Variants in DAPP1 observed in about 807,000 individuals in gnomAD.
DAPP1 encodes dual adaptor of phosphotyrosine and 3-phosphoinositides 1, also known as dual adapter for phosphotyrosine and 3-phosphotyrosine and 3-phosphoinositide.
A neutral mutation model predicts 41.5 loss-of-function variants in DAPP1; 20 were observed. That is an observed-to-expected ratio of 0.48 (90% CI 0.34 to 0.70). The LOEUF (loss-of-function observed/expected upper bound fraction) is 0.70. DAPP1 is among the 30% of genes least tolerant of loss of function. DAPP1 has a pLI of 0.01. For missense variants in DAPP1, 233 were observed against 333.4 expected (o/e 0.70, Z 2.35); for synonymous variants, 113 against 116.2 (o/e 0.97, Z 0.18).
intron 1 of DAPP1, among the ~76,000 whole-genome samples, chr4:99,822,405 A>T (rs1313097572): frequency 6.6e-6 from 1 of 152,128 alleles, no homozygotes; most frequent in Non-Finnish European, 1.5e-5. Context: ...GTGTGGGCTG[A>T]GGGCTGTGAC....
At chr4:99,829,117 T>C (rs1229149150) in intron 1 of DAPP1, among the ~76,000 whole-genome samples, 24 of 152,196 alleles carry the variant, frequency 1.6e-4, no homozygotes, top group Non-Finnish European at 4.4e-5. Context: ...CTAGTTTTTT[T>C]TCTGTAAAAG....
At chr4:99,822,071 G>A (rs900096173) in intron 1 of DAPP1, among the ~76,000 whole-genome samples, 1 of 152,160 alleles carries the variant, frequency 6.6e-6, no homozygotes, top group African/African-American at 2.4e-5. Context: ...ACGGAAGGTG[G>A]TTCTTCTGTG....
At position 99,840,553 on chromosome 4, in the gene DAPP1, A is replaced by G. The variant is rs78757576; in HGVS notation, c.358+131A>G. 2,899 of 1,111,672 alleles carry G rather than the reference A, an allele frequency of 2.6e-3. 58 individuals are homozygous for G. In the African/African-American group the frequency reaches 0.037, roughly 14 times the overall value. The allele number at this position is 1,111,672 out of a possible 1,614,324, so 68.9% of individuals were successfully genotyped here. ...CATTATCTTGAAGAGAAAACAATGT[A>G]TTTTGTATAAAGTAGATATTTTCTC... On this transcript the variant is annotated intron_variant, in intron 3 of 8. Transcript: ENST00000512369.
intron 1 of DAPP1, among the ~76,000 whole-genome samples, chr4:99,831,028 C>T (rs1723103484): frequency 6.6e-6 from 1 of 152,114 alleles, no homozygotes; most frequent in African/African-American, 2.4e-5. Flanking sequence ...CTAAAGTCTC[C>T]TTTGAACAAA....
intron 7 of DAPP1, 194 bp from the exon 8 acceptor site, chr4:99,865,840 C>CT (rs1281619020): frequency 6.8e-6 from 1 of 147,220 alleles, no homozygotes; most frequent in Non-Finnish European, 1.5e-5. Context: ...CTTCAAGGTA[C>CT]TTACCTGCAT....
At chr4:99,821,622 T>C (rs2851038) in intron 1 of DAPP1, among the ~76,000 whole-genome samples, 152,269 of 152,366 alleles carry the variant, frequency 1, 76,088 homozygotes, top group Non-Finnish European at 1. Flanking sequence ...ATCACATGCT[T>C]AAGTTTCCAT....
chr4:99,824,362 T>C (rs978270609), intron 1 of DAPP1, among the ~76,000 whole-genome samples: 13 of 152,218 alleles, frequency 8.5e-5, no homozygotes, highest in African/African-American at 2.9e-4. Flanking sequence ...CAGTGAGCTT[T>C]CCACTGAACC....
intron 3 of DAPP1, among the ~76,000 whole-genome samples, chr4:99,851,298 C>T (rs1723849040): frequency 6.6e-6 from 1 of 152,106 alleles, no homozygotes; most frequent in Admixed American, 6.5e-5. Context: ...ATGGCAAAAT[C>T]TGTTTTTCAT....
intron 4 of DAPP1, among the ~76,000 whole-genome samples, chr4:99,859,525 A>G (rs528989781): frequency 2.8e-4 from 43 of 152,300 alleles, no homozygotes; most frequent in African/African-American, 1.0e-3. Context: ...TGAGTTCACA[A>G]CAATGCTTCC....
At chr4:99,827,014 C>T (rs1321517483) in intron 1 of DAPP1, among the ~76,000 whole-genome samples, 2 of 152,252 alleles carry the variant, frequency 1.3e-5, no homozygotes, top group South Asian at 2.1e-4. Context: ...TCTTCAAATG[C>T]CAAATTCTGT....
chr4:99,869,229 G>T lies in DAPP1; in HGVS notation c.*1044G>T, dbSNP rs1032152507. On this transcript the variant is annotated 3_prime_UTR_variant, in exon 9 of 9. Transcript: ENST00000512369. ...CGGGGGAGTAACACTAAAGCTACAA[G>T]AAATATGTAATAATGATAGGTAATA... is the stretch of plus-strand genomic sequence containing the variant. 48 of 152,258 alleles carry T rather than the reference G, an allele frequency of 3.2e-4. 1 individual carries two copies. The highest frequency in any genetic ancestry group is 8.9e-4 in the African/African-American group (37 of 41,554). 9.4% of individuals were successfully genotyped at this position (152,258 alleles called of 1,614,324 possible).
chr4:99,853,127 G>C, intron 3 of DAPP1, 91 bp from the exon 4 acceptor site: 1 of 1,468,084 alleles, frequency 6.8e-7, no homozygotes, highest in East Asian at 2.3e-5. Context: ...AAAAACAAAA[G>C]ACTTTCCAAT....
chr4:99,868,076 ATCAC>A (rs753147182), intron 8 of DAPP1, 37 bp from the exon 9 acceptor site: 6 of 1,546,664 alleles, frequency 3.9e-6, no homozygotes, highest in Middle Eastern at 1.7e-4. Flanking sequence ...GTTCATTACA[ATCAC>A]TCAATAATGG....
At position 99,867,915 on chromosome 4, in the gene DAPP1, A is replaced by G. The variant is rs535003854; in HGVS notation, c.775-202A>G. 2.0e-5 allele frequency among the ~76,000 whole-genome samples: 3 copies of G among 152,352 alleles called. No homozygotes were observed. In the East Asian group the frequency reaches 5.8e-4, roughly 29 times the overall value. ...TTGTACATGTTTTAGCAATCACTTT[A>G]CAATATGTGTCCTAAAAAAAAATAC... On this transcript the variant is annotated intron_variant, in intron 8 of 8. Coordinates refer to ENST00000512369, the MANE Select transcript of DAPP1 (RefSeq NM_014395.3).
At chr4:99,840,898 A>G (rs189442598) in intron 3 of DAPP1, among the ~76,000 whole-genome samples, 1 of 152,210 alleles carries the variant, frequency 6.6e-6, no homozygotes, top group African/African-American at 2.4e-5. Context: ...TTTAAGCTAG[A>G]CTTAACTATG....
intron 1 of DAPP1, among the ~76,000 whole-genome samples, chr4:99,830,597 C>A (rs1205706464): frequency 6.6e-6 from 1 of 152,176 alleles, no homozygotes; most frequent in African/African-American, 2.4e-5. Flanking sequence ...TCATCACTCA[C>A]TTTGAATTCT....
chr4:99,820,901 C>A (rs1359244204), intron 1 of DAPP1, among the ~76,000 whole-genome samples: 1 of 152,124 alleles, frequency 6.6e-6, no homozygotes, highest in Non-Finnish European at 1.5e-5. Flanking sequence ...AATGTACAGC[C>A]ATTCTTGGCT....
intron 3 of DAPP1, among the ~76,000 whole-genome samples, chr4:99,848,268 C>T (rs1453810194): frequency 4.3e-5 from 6 of 140,062 alleles, no homozygotes; most frequent in Admixed American, 4.3e-4. Flanking sequence ...CACTCTGTTG[C>T]CCAGGCTGGA....
At chr4:99,846,962 TCTA>T (rs1372355055) in intron 3 of DAPP1, among the ~76,000 whole-genome samples, 13 of 152,260 alleles carry the variant, frequency 8.5e-5, no homozygotes, top group African/African-American at 3.1e-4. Flanking sequence ...CCCCAAGAAA[TCTA>T]CTTCTCATTG....
Sources: allele counts gnomAD v4.1 joint callset (sites outside exome capture counted in the v4.1 genomes callset), GRCh38; gene constraint gnomAD v4.1.1; transcripts MANE v1.5; gene names NCBI Gene and HGNC (gene_info 2026-07-23, HGNC 2026-07-21).